The following GRIN2B variants were observed in gnomAD, a reference collection of about 807,000 sequenced individuals.
GRIN2B encodes glutamate receptor ionotropic, NMDA 2B.
A neutral mutation model predicts 114.5 loss-of-function variants in GRIN2B; 5 were observed. The ratio of observed to expected loss-of-function variants is 0.04; its 90% CI spans 0.02 to 0.09. The LOEUF (loss-of-function observed/expected upper bound fraction) is 0.09. GRIN2B is among the 10% of genes least tolerant of loss of function. The pLI is 1.00. For missense variants in GRIN2B, 1,108 were observed against 1,943.5 expected (o/e 0.57, Z 8.08); for synonymous variants, 787 against 745.1 (o/e 1.06, Z -0.92).
chr12:13,634,572 G>A (rs1949649384), intron 5 of GRIN2B, among the ~76,000 whole-genome samples: 1 of 152,152 alleles, frequency 6.6e-6, no homozygotes, highest in Non-Finnish European at 1.5e-5. Flanking sequence ...TATGGGCTAA[G>A]CTTTGAAGTG....
chr12:13,832,029 A>T (rs1865157808), intron 3 of GRIN2B, among the ~76,000 whole-genome samples: 1 of 152,158 alleles, frequency 6.6e-6, no homozygotes, highest in Non-Finnish European at 1.5e-5. Context: ...GCAGGGTAGC[A>T]TGTTTTTGTA....
chr12:13,980,252 CGGTTTTT>C lies in GRIN2B; in HGVS notation c.-350_-344del, dbSNP rs1863107691. ...TTTTTAACGCTTCTTCTGGCAATTACGGTTTTTGGTTTTTGGAGCGTTAGTGGAGGAG... is the reference window on the plus strand; with the variant it reads ...TTTTTAACGCTTCTTCTGGCAATTACGGTTTTTGGAGCGTTAGTGGAGGAG... On this transcript the variant is annotated 5_prime_UTR_variant, in exon 2 of 14. Transcript: ENST00000609686. The C allele has an allele frequency of 6.6e-6, 1 of 151,984 alleles. No homozygotes were observed. Among genetic ancestry groups the C allele is most frequent in the African/African-American group, 2.4e-5 (1 of 41,374 alleles). The allele number at this position is 151,984 out of a possible 1,614,324, so 9.4% of individuals were successfully genotyped here.
rs903873058 is a variant in GRIN2B at position 13,753,236 on chromosome 12, G to T, written c.1010+81C>A. 1.1e-6 allele frequency: 1 copy of T among 870,758 alleles called. No individual in the cohort carries two copies. Among genetic ancestry groups the T allele is most frequent in the African/African-American group, 1.6e-5 (1 of 60,904 alleles). The allele number at this position is 870,758 out of a possible 1,614,324, so 53.9% of individuals were successfully genotyped here. A position where few individuals can be genotyped will look rare whatever the true frequency, so the allele number is the denominator to read the frequency against. On this transcript the variant is annotated intron_variant, in intron 4 of 13. Coordinates refer to ENST00000609686, the MANE Select transcript of GRIN2B (RefSeq NM_000834.5). This position sits in a 1 kb window ranked among gnomAD's most constrained non-coding sequence, Gnocchi z 6.2. ...GCTACCGTCTTGAACTGTTCTTCCT[G>T]CAGTTTCTGAACTTCCAACCCCAGT...
intron 4 of GRIN2B, among the ~76,000 whole-genome samples, chr12:13,729,950 C>T (rs1354511757): frequency 6.6e-6 from 1 of 151,658 alleles, no homozygotes; most frequent in Non-Finnish European, 1.5e-5. Flanking sequence ...AAATTGTCAG[C>T]ACATGTATCT....
At chr12:13,902,456 A>T (rs1313458403) in intron 2 of GRIN2B, among the ~76,000 whole-genome samples, 1 of 152,224 alleles carries the variant, frequency 6.6e-6, no homozygotes, top group East Asian at 1.9e-4. Context: ...GAACCAAAAA[A>T]ACAAAACAAA....
intron 2 of GRIN2B, among the ~76,000 whole-genome samples, chr12:13,888,296 T>C (rs28378725): frequency 0.29 from 43,994 of 151,952 alleles, 6,759 homozygotes; most frequent in Middle Eastern, 0.35. Context: ...TGTGGTATAG[T>C]CTATTGCTCC....
In GRIN2B at chr12:13,866,074, G is replaced by A. The variant is rs752472128; in HGVS notation, c.135C>T (p.Ser45=). ...IGIAVILVGT[S]DEVAIKDAHE... is the part of the protein sequence containing the mutation. ...GGGCATCCTTGATGGCCACCTCGTC[G>A]GAAGTGCCCACGAGGATGACAGCAA... The change falls in exon 3 of 14, where the codon TCC becomes TCT. Residue 45 remains serine (S), a synonymous_variant. Transcript: ENST00000609686. The A allele has an allele frequency of 1.1e-5, 17 of 1,613,914 alleles. 1 individual carries two copies. In the Middle Eastern group the frequency reaches 8.2e-4, roughly 78 times the overall value.
At chr12:13,889,706 T>C (rs530978283) in intron 2 of GRIN2B, among the ~76,000 whole-genome samples, 1 of 152,324 alleles carries the variant, frequency 6.6e-6, no homozygotes, top group South Asian at 2.1e-4. Context: ...ACTATCATGC[T>C]GTCAACCTCC....
At chr12:13,924,990 G>T (rs1177223630) in intron 2 of GRIN2B, among the ~76,000 whole-genome samples, 1 of 152,120 alleles carries the variant, frequency 6.6e-6, no homozygotes, top group East Asian at 1.9e-4. Flanking sequence ...TGAAGGCAAT[G>T]GTAGAAATGC....
chr12:13,790,077 G>T (rs1414926884), intron 3 of GRIN2B, among the ~76,000 whole-genome samples: 1 of 152,164 alleles, frequency 6.6e-6, no homozygotes, highest in Non-Finnish European at 1.5e-5. Flanking sequence ...TCTCAGTTCT[G>T]ATCTCCCATG....
intron 3 of GRIN2B, among the ~76,000 whole-genome samples, chr12:13,761,343 A>G (rs145089280): frequency 2.5e-3 from 375 of 152,334 alleles, no homozygotes; most frequent in African/African-American, 8.9e-3. Flanking sequence ...TTTAAACCAC[A>G]GTAGAGAAAC....
intron 5 of GRIN2B, among the ~76,000 whole-genome samples, chr12:13,659,469 A>G (rs1193729173): frequency 6.6e-6 from 1 of 152,146 alleles, no homozygotes; most frequent in East Asian, 1.9e-4. Flanking sequence ...TTTGAAGAGA[A>G]GTCATAATCA....
intron 3 of GRIN2B, among the ~76,000 whole-genome samples, chr12:13,820,797 C>A (rs1019701360): frequency 6.6e-6 from 1 of 152,160 alleles, no homozygotes; most frequent in Non-Finnish European, 1.5e-5. Context: ...CCTTTGCTAT[C>A]TCTTGGCTGA....
chr12:13,845,841 C>A (rs1018154509), intron 3 of GRIN2B, among the ~76,000 whole-genome samples: 5 of 152,112 alleles, frequency 3.3e-5, no homozygotes, highest in Admixed American at 1.3e-4. Flanking sequence ...TCTTTGCAAC[C>A]TTTTATGTGC....
intron 5 of GRIN2B, among the ~76,000 whole-genome samples, chr12:13,632,335 A>G (rs1403146294): frequency 6.6e-6 from 1 of 152,228 alleles, no homozygotes; most frequent in Non-Finnish European, 1.5e-5. Context: ...TGTAAATAGA[A>G]AGTACATGTC....
intron 3 of GRIN2B, among the ~76,000 whole-genome samples, chr12:13,865,576 G>A (rs560532250): frequency 4.2e-4 from 64 of 152,128 alleles, no homozygotes; most frequent in Non-Finnish European, 8.7e-4. Context: ...AGGTTGCAGT[G>A]AGCCGAGATG....
chr12:13,673,962 C>T (rs556783541), intron 5 of GRIN2B, among the ~76,000 whole-genome samples: 2 of 152,198 alleles, frequency 1.3e-5, no homozygotes, highest in African/African-American at 2.4e-5. Context: ...GACATCTCTA[C>T]AGCAGCAGTG....
intron 4 of GRIN2B, among the ~76,000 whole-genome samples, chr12:13,711,562 G>T (rs1454919531): frequency 6.6e-6 from 1 of 151,986 alleles, no homozygotes; most frequent in East Asian, 1.9e-4. Context: ...TCAAAAAGTG[G>T]GCAAAGGATA....
intron 2 of GRIN2B, among the ~76,000 whole-genome samples, chr12:13,937,846 A>T (rs894082189): frequency 1.3e-5 from 2 of 152,152 alleles, no homozygotes; most frequent in Admixed American, 6.5e-5. Context: ...AGTCATATGA[A>T]ATTATCCTCC....
Sources: gnomAD v4.1 joint callset for allele counts (sites outside exome capture counted in the v4.1 genomes callset) on GRCh38, gnomAD v4.1.1 for gene constraint, Gnocchi (gnomAD v3.1) non-coding constraint, MANE v1.5 for transcripts, NCBI Gene and HGNC (gene_info 2026-07-23, HGNC 2026-07-21) for gene names.